CHN2: variants seen among roughly 807,000 people sequenced by gnomAD.
The protein encoded by CHN2 is beta-chimaerin.
CHN2 carries 35 observed loss-of-function variants against 56.3 expected under a neutral mutation model. The observed-to-expected ratio is 0.62, with a 90% CI of 0.47 to 0.82. The LOEUF (loss-of-function observed/expected upper bound fraction) is 0.82. CHN2 is among the 40% of genes least tolerant of loss of function. The probability of loss-of-function intolerance (pLI) is 0.00; values close to 1 mark genes in which losing one functional copy is unlikely to be tolerated. For synonymous variants in CHN2, 210 were observed against 212.8 expected (o/e 0.99, Z 0.12); for missense variants, 491 against 580.5 (o/e 0.85, Z 1.58).
rs538182828 is a variant in CHN2, at chr7:29,356,395, T to C, written c.88+1732T>C. Among the ~76,000 whole-genome samples the C allele has an allele frequency of 2.0e-5, 3 of 152,236 alleles. No individual in the cohort carries two copies. The South Asian group carries it at 6.2e-4, about 32-fold the overall frequency. On this transcript the variant is annotated intron_variant, in intron 2 of 12. Transcript: ENST00000222792. ...ACAAAGCTACATAAAAGACAGATAT[T>C]AGGGAAATACATAAAACGGAGAGTA... is the stretch of plus-strand genomic sequence containing the variant.
intron 6 of CHN2, chr7:29,479,698 G>A: frequency 9.5e-7 from 1 of 1,051,840 alleles, no homozygotes; most frequent in African/African-American, 1.7e-5. Flanking sequence ...GCTGGCTGGG[G>A]GGTGTGTGCG....
At chr7:29,239,587 C>T (rs1787489363) in intron 1 of CHN2, among the ~76,000 whole-genome samples, 1 of 152,328 alleles carries the variant, frequency 6.6e-6, no homozygotes, top group Admixed American at 6.5e-5. Flanking sequence ...TTCAACCCTA[C>T]CTTTCATATC....
chr7:29,408,709 CAG>C (rs752012188), intron 6 of CHN2, among the ~76,000 whole-genome samples: 78 of 152,170 alleles, frequency 5.1e-4, no homozygotes, highest in Non-Finnish European at 9.1e-4. Flanking sequence ...GTCCCTCTCT[CAG>C]GGGTCAGCTA....
intron 1 of CHN2, among the ~76,000 whole-genome samples, chr7:29,299,001 A>G (rs1182384434): frequency 6.6e-6 from 1 of 152,156 alleles, no homozygotes; most frequent in East Asian, 1.9e-4. Context: ...TTTTTCTCAG[A>G]TACTTTGAAG....
At chr7:29,174,865 A>G (rs1196801179) in intron 2 of CHN2, among the ~76,000 whole-genome samples, 1 of 152,086 alleles carries the variant, frequency 6.6e-6, no homozygotes, top group African/African-American at 2.4e-5. Context: ...CCATCTAAAA[A>G]AAAAAAAAAA....
chr7:29,507,410 T>C (rs1003376513), intron 11 of CHN2, 45 bp downstream of exon 11: 2 of 1,436,446 alleles, frequency 1.4e-6, no homozygotes, highest in African/African-American at 1.4e-5. Context: ...AATTTTTAAG[T>C]ACAGTGCTTT....
intron 6 of CHN2, among the ~76,000 whole-genome samples, chr7:29,403,132 A>G (rs1359320534): frequency 2.0e-5 from 3 of 152,080 alleles, no homozygotes; most frequent in Non-Finnish European, 4.4e-5. Flanking sequence ...TCATTTTGTT[A>G]GTAGTTTGTT....
At chr7:29,362,447 T>G (rs1221148187) in intron 2 of CHN2, among the ~76,000 whole-genome samples, 1 of 152,206 alleles carries the variant, frequency 6.6e-6, no homozygotes, top group Non-Finnish European at 1.5e-5. Context: ...CTGAATAACC[T>G]TATCCCTATT....
intron 1 of CHN2, among the ~76,000 whole-genome samples, chr7:29,221,499 G>A (rs1159110794): frequency 6.6e-6 from 1 of 152,042 alleles, no homozygotes; most frequent in Non-Finnish European, 1.5e-5. Context: ...TGTATGTGTA[G>A]GATGTGCAGG....
intron 1 of CHN2, among the ~76,000 whole-genome samples, chr7:29,338,314 C>G (rs538850040): frequency 3.3e-5 from 5 of 152,200 alleles, no homozygotes; most frequent in African/African-American, 1.2e-4. Context: ...ATAAGAGTAC[C>G]CACCTCATAG....
intron 1 of CHN2, among the ~76,000 whole-genome samples, chr7:29,270,019 G>A (rs1402748563): frequency 2.0e-5 from 3 of 152,224 alleles, no homozygotes; most frequent in Non-Finnish European, 4.4e-5. Flanking sequence ...AGAAGGCACA[G>A]ATGAATTAAG....
At chr7:29,431,311 C>T (rs754392460) in intron 6 of CHN2, among the ~76,000 whole-genome samples, 3 of 152,204 alleles carry the variant, frequency 2.0e-5, no homozygotes, top group Middle Eastern at 3.2e-3. Context: ...CTGAATAATA[C>T]TAGAAAATCC....
intron 7 of CHN2, among the ~76,000 whole-genome samples, chr7:29,491,108 C>A (rs1788617242): frequency 6.6e-6 from 1 of 152,174 alleles, no homozygotes; most frequent in South Asian, 2.1e-4. Flanking sequence ...TCTCTATTAT[C>A]TCTATCACTA....
intron 1 of CHN2, among the ~76,000 whole-genome samples, chr7:29,254,015 C>G (rs966151935): frequency 6.6e-6 from 1 of 152,198 alleles, no homozygotes; most frequent in African/African-American, 2.4e-5. Context: ...AGCGATTCTC[C>G]TGCCTCAGCC....
chr7:29,276,222 A>T (rs1791204457), intron 1 of CHN2, among the ~76,000 whole-genome samples: 1 of 152,096 alleles, frequency 6.6e-6, no homozygotes, highest in South Asian at 2.1e-4. Context: ...CTGGGAAAGA[A>T]ATCCACGTGG....
chr7:29,388,213 C>G (rs1389844539), intron 3 of CHN2, among the ~76,000 whole-genome samples: 1 of 152,146 alleles, frequency 6.6e-6, no homozygotes, highest in East Asian at 1.9e-4. Context: ...TACTCTGTGA[C>G]AGATATTGGC....
intron 6 of CHN2, among the ~76,000 whole-genome samples, chr7:29,428,759 A>C (rs1805133524): frequency 6.6e-6 from 1 of 152,178 alleles, no homozygotes; most frequent in Non-Finnish European, 1.5e-5. Flanking sequence ...AGGGCCTATA[A>C]AATTTATATT....
intron 9 of CHN2, among the ~76,000 whole-genome samples, chr7:29,502,628 G>C (rs573877717): frequency 6.6e-6 from 1 of 152,136 alleles, no homozygotes; most frequent in Non-Finnish European, 1.5e-5. Flanking sequence ...AAAGCATCTC[G>C]ATGTAATACA....
intron 2 of CHN2, among the ~76,000 whole-genome samples, chr7:29,358,178 T>C (rs543526274): frequency 1.3e-5 from 2 of 152,336 alleles, no homozygotes; most frequent in Admixed American, 6.5e-5. Flanking sequence ...AACTTTGACT[T>C]ATTTAATGTC....
Sources: gnomAD v4.1 joint callset for allele counts (sites outside exome capture counted in the v4.1 genomes callset) on GRCh38, gnomAD v4.1.1 for gene constraint, MANE v1.5 for transcripts, NCBI Gene and HGNC (gene_info 2026-07-23, HGNC 2026-07-21) for gene names.